Variants in TMEM132B observed in about 807,000 individuals in gnomAD.
TMEM132B encodes the protein transmembrane protein 132B.
Under a neutral mutation model 90.8 loss-of-function variants are expected in TMEM132B, and 18 were observed. The observed-to-expected ratio is 0.20, with a 90% confidence interval of 0.14 to 0.29. The LOEUF is 0.29. Ranked by LOEUF, TMEM132B falls within the 10% of genes least tolerant of loss-of-function variation. The probability of loss-of-function intolerance (pLI) is 1.00; values close to 1 mark genes in which losing one functional copy is unlikely to be tolerated. For missense variants in TMEM132B, 1,096 were observed against 1,326.8 expected, an observed-to-expected ratio of 0.83 and a Z score of 2.70; for synonymous variants, 504 against 523.3, an observed-to-expected ratio of 0.96 and a Z score of 0.50.
intron 1 of TMEM132B, among the ~76,000 whole-genome samples, chr12:125,198,898 T>C (rs1259345063): frequency 6.6e-6 from 1 of 152,148 alleles, no homozygotes; most frequent in African/African-American, 2.4e-5. Context: ...GCTTCTTTAT[T>C]GTGTGTGTGA....
intron 1 of TMEM132B, among the ~76,000 whole-genome samples, chr12:125,310,731 C>G (rs868010639): frequency 1.5e-4 from 23 of 152,164 alleles, no homozygotes; most frequent in African/African-American, 5.6e-4. Context: ...TGACCTCCCC[C>G]CCAACAACAC....
intron 2 of TMEM132B, among the ~76,000 whole-genome samples, chr12:125,402,862 A>ATTT (rs372174145): frequency 3.3e-5 from 5 of 151,114 alleles, no homozygotes; most frequent in African/African-American, 1.2e-4. Flanking sequence ...AATACATATA[A>ATTT]TTTTTTTTTT....
intron 3 of TMEM132B, among the ~76,000 whole-genome samples, chr12:125,450,457 C>T (rs1423792482): frequency 6.6e-6 from 1 of 152,144 alleles, no homozygotes; most frequent in African/African-American, 2.4e-5. Context: ...AATTCACAAA[C>T]CCGTGTAGAT....
intron 1 of TMEM132B, among the ~76,000 whole-genome samples, chr12:125,259,946 C>G (rs1430356824): frequency 6.6e-6 from 1 of 151,944 alleles, no homozygotes; most frequent in Non-Finnish European, 1.5e-5. Context: ...AGAGGGGTCT[C>G]TTCACTCATT....
At chr12:125,201,892 G>GTGTT (rs1873071641) in intron 1 of TMEM132B, among the ~76,000 whole-genome samples, 1 of 152,188 alleles carries the variant, frequency 6.6e-6, no homozygotes, top group South Asian at 2.1e-4. Flanking sequence ...CGTCTCTGTG[G>GTGTT]TGTTGCTCAT....
At chr12:125,471,268 G>A (rs182747843) in intron 3 of TMEM132B, among the ~76,000 whole-genome samples, 1 of 152,298 alleles carries the variant, frequency 6.6e-6, no homozygotes, top group African/African-American at 2.4e-5. Context: ...GCTGTGGTCC[G>A]GGGGTGTGGT....
chr12:125,298,839 T>C (rs1003012546), intron 1 of TMEM132B, among the ~76,000 whole-genome samples: 4 of 150,814 alleles, frequency 2.7e-5, no homozygotes, highest in African/African-American at 9.7e-5. Context: ...GTTCATGCCA[T>C]TCTCCTGCCT....
chr12:125,567,890 C>T (rs557488441), intron 4 of TMEM132B, among the ~76,000 whole-genome samples: 6 of 152,264 alleles, frequency 3.9e-5, no homozygotes, highest in South Asian at 2.1e-4. Flanking sequence ...AGAATACACA[C>T]GTAATTATTA....
chr12:125,633,261 C>T (rs1052633977), intron 5 of TMEM132B, among the ~76,000 whole-genome samples: 1 of 152,138 alleles, frequency 6.6e-6, no homozygotes, highest in African/African-American at 2.4e-5. Flanking sequence ...TCAAGAATTT[C>T]TGCTTGTTTT....
chr12:125,260,511 C>CTTTTT (rs1565986009), intron 1 of TMEM132B, among the ~76,000 whole-genome samples: 2 of 149,762 alleles, frequency 1.3e-5, no homozygotes, highest in African/African-American at 2.5e-5. Flanking sequence ...CTAAGGTTTA[C>CTTTTT]CTTTTTTTTT....
At chr12:125,312,184 A>G (rs141953543) in intron 1 of TMEM132B, among the ~76,000 whole-genome samples, 3 of 152,330 alleles carry the variant, frequency 2.0e-5, no homozygotes, top group African/African-American at 7.2e-5. Flanking sequence ...CATATGCTCC[A>G]TTGTTAGTAT....
intron 1 of TMEM132B, among the ~76,000 whole-genome samples, chr12:125,243,096 C>CATATAT (rs1357323925): frequency 1.7e-5 from 2 of 116,686 alleles, no homozygotes; most frequent in Non-Finnish European, 3.6e-5. Flanking sequence ...CATACATATA[C>CATATAT]ATATATATAT....
chr12:125,610,396 G>A (rs374135501), intron 5 of TMEM132B, among the ~76,000 whole-genome samples: 3 of 152,254 alleles, frequency 2.0e-5, no homozygotes, highest in African/African-American at 7.2e-5. Flanking sequence ...GGTAGATGCC[G>A]TTTATCAGAA....
chr12:125,654,644 A>G lies in TMEM132B; in HGVS notation c.3186A>G (p.Gln1062=). Residue 1062 remains glutamine, a synonymous_variant, in exon 9 of 9, where the codon CAA becomes CAG. Transcript: ENST00000682704. This position sits in a 1 kb window ranked among gnomAD's most constrained non-coding sequence, Gnocchi z 5.8. ...DSDDNIKWVC[Q]DMGLGDSQDF... ...ATGATAACATCAAGTGGGTCTGCCA[A>G]GATATGGGGCTGGGGGATTCACAGG... The G allele has an allele frequency of 3.1e-6, 5 of 1,614,222 alleles. No homozygotes were observed. Among genetic ancestry groups the G allele is most frequent in the Non-Finnish European group, 4.2e-6 (5 of 1,180,036 alleles).
In TMEM132B at chr12:125,406,676, C is replaced by T. The variant is rs147884169; in HGVS notation, c.960-8855C>T. Among the ~76,000 whole-genome samples, 100 of 152,238 alleles carry T rather than the reference C, an allele frequency of 6.6e-4. 3 individuals carry two copies. The South Asian group carries it at 0.011, about 17-fold the overall frequency. ...ATTGCACGCTTCCTTCTCCAACCCC[C>T]GCCCATGGCAGACAGTGAAAGACTT... On this transcript the variant is annotated intron_variant, in intron 2 of 8. Coordinates refer to ENST00000682704, the MANE Select transcript of TMEM132B (RefSeq NM_001366854.1). This position sits in a 1 kb window ranked among gnomAD's most constrained non-coding sequence, Gnocchi z 8.3.
At position 125,358,176 on chromosome 12, in the gene TMEM132B, T is replaced by C. The variant is rs1423310496; in HGVS notation, c.959+7833T>C. ...GGGAGACAGCAAACACACAAATAAA[T>C]AGAAATACACACAATTGAAACCCAT... is the stretch of plus-strand genomic sequence containing the variant. On this transcript the variant is annotated intron_variant, in intron 2 of 8. Coordinates refer to ENST00000682704, the MANE Select transcript of TMEM132B (RefSeq NM_001366854.1). Among the ~76,000 whole-genome samples the C allele has an allele frequency of 3.9e-5, 6 of 152,058 alleles. No individual in the cohort carries two copies. In the East Asian group the frequency reaches 1.2e-3, roughly 29 times the overall value.
chr12:125,460,384 C>G lies in TMEM132B; in HGVS notation c.1106+44707C>G, dbSNP rs1881405600. Among the ~76,000 whole-genome samples, 1 of 151,994 alleles carries G rather than the reference C, an allele frequency of 6.6e-6. No homozygotes were observed. Among genetic ancestry groups the G allele is most frequent in the Admixed American group, 6.6e-5 (1 of 15,252 alleles). Reference sequence around the variant, plus strand: ...GTGGGCGCCTGTAATCTCAGCTACTCAGGAGGCTGAGGCAGGACAATTGCT... The same window carrying G: ...GTGGGCGCCTGTAATCTCAGCTACTGAGGAGGCTGAGGCAGGACAATTGCT... On this transcript the variant is annotated intron_variant, in intron 3 of 8. Coordinates refer to ENST00000682704, the MANE Select transcript of TMEM132B (RefSeq NM_001366854.1). This position sits in a 1 kb window ranked among gnomAD's most constrained non-coding sequence, Gnocchi z 4.4.
At chr12:125,223,964 A>C (rs142281514) in intron 1 of TMEM132B, among the ~76,000 whole-genome samples, 2 of 152,240 alleles carry the variant, frequency 1.3e-5, no homozygotes, top group African/African-American at 4.8e-5. Flanking sequence ...TTTAGTAGAG[A>C]AGGGGTTTCG....
intron 4 of TMEM132B, among the ~76,000 whole-genome samples, chr12:125,527,205 TC>T (rs1883497770): frequency 1.0e-5 from 1 of 97,132 alleles, no homozygotes; most frequent in Non-Finnish European, 2.0e-5. Flanking sequence ...CATCCACCCT[TC>T]CATCCATCCA....
Sources: allele counts gnomAD v4.1 joint callset (sites outside exome capture counted in the v4.1 genomes callset), GRCh38; gene constraint gnomAD v4.1.1; non-coding constraint Gnocchi (gnomAD v3.1); transcripts MANE v1.5; gene names NCBI Gene and HGNC (gene_info 2026-07-23, HGNC 2026-07-21).